The following WASF2 variants were observed in gnomAD, a reference collection of about 807,000 sequenced individuals.
WASF2 encodes the protein actin-binding protein WASF2.
In WASF2, 14 loss-of-function variants were observed where a neutral mutation model predicts 45.0. The ratio of observed to expected loss-of-function variants is 0.31; its 90% confidence interval spans 0.21 to 0.49. The LOEUF is 0.49. Ranked by LOEUF, WASF2 falls within the 20% of genes least tolerant of loss-of-function variation. WASF2 has a pLI of 0.99. For missense variants in WASF2, 439 were observed against 636.1 expected (o/e 0.69, Z 3.33); for synonymous variants, 200 against 236.3 (o/e 0.85, Z 1.41).
At chr1:27,462,550 C>T (rs1255051370) in intron 1 of WASF2, among the ~76,000 whole-genome samples, 1 of 152,156 alleles carries the variant, frequency 6.6e-6, no homozygotes, top group Non-Finnish European at 1.5e-5. Flanking sequence ...AAGCGATCCT[C>T]CCATCTTGGC....
chr1:27,419,467 TAGAC>T (rs1269121502), intron 2 of WASF2, among the ~76,000 whole-genome samples: 1 of 152,110 alleles, frequency 6.6e-6, no homozygotes, highest in Non-Finnish European at 1.5e-5. Context: ...ATACAAAAAT[TAGAC>T]AGGCGTGCTG....
intron 1 of WASF2, among the ~76,000 whole-genome samples, chr1:27,441,821 G>A: frequency 6.6e-6 from 1 of 151,296 alleles, no homozygotes; most frequent in Non-Finnish European, 1.5e-5. Context: ...AGCTACTCGG[G>A]AGGCTGAGGC....
At chr1:27,411,959 G>A (rs1299204309) in intron 7 of WASF2, among the ~76,000 whole-genome samples, 1 of 152,218 alleles carries the variant, frequency 6.6e-6, no homozygotes, top group Admixed American at 6.5e-5. Flanking sequence ...AACAGGAGTA[G>A]TTAAGAATAT....
chr1:27,449,306 T>C (rs2017350911), intron 1 of WASF2, among the ~76,000 whole-genome samples: 1 of 152,056 alleles, frequency 6.6e-6, no homozygotes, highest in African/African-American at 2.4e-5. Flanking sequence ...GGTCAATAAA[T>C]GTTTATCAAG....
intron 1 of WASF2, among the ~76,000 whole-genome samples, chr1:27,477,736 A>G (rs964359005): frequency 6.9e-5 from 9 of 130,500 alleles, no homozygotes; most frequent in Admixed American, 4.3e-4. Flanking sequence ...CGTCTCTACT[A>G]AAAATACAAA....
At chr1:27,430,665 G>C (rs2017048882) in intron 1 of WASF2, among the ~76,000 whole-genome samples, 1 of 151,900 alleles carries the variant, frequency 6.6e-6, no homozygotes, top group South Asian at 2.1e-4. Flanking sequence ...TTGAGACGGG[G>C]TCTCACTCTG....
intron 1 of WASF2, among the ~76,000 whole-genome samples, chr1:27,479,087 C>A (rs2017811152): frequency 6.6e-6 from 1 of 151,804 alleles, no homozygotes; most frequent in Non-Finnish European, 1.5e-5. Context: ...GAGTTCAAGA[C>A]CACCCTAGTC....
At chr1:27,489,908 C>T (rs2018007288) in intron 1 of WASF2, 78 bp downstream of exon 1, 1 of 152,242 alleles carries the variant, frequency 6.6e-6, no homozygotes, top group South Asian at 2.1e-4. Flanking sequence ...CCCCGAGACC[C>T]TGCACGGCTC....
chr1:27,415,908 A>G (rs955900075), intron 5 of WASF2, 77 bp downstream of exon 5: 37 of 1,264,700 alleles, frequency 2.9e-5, no homozygotes, highest in Non-Finnish European at 3.9e-5. Flanking sequence ...ATTACTTCAC[A>G]TAACACTGGC....
intron 1 of WASF2, among the ~76,000 whole-genome samples, chr1:27,452,502 ACTGT>A (rs2017397323): frequency 6.6e-6 from 1 of 150,738 alleles, no homozygotes; most frequent in East Asian, 2.0e-4. Flanking sequence ...ACAGAGTGAG[ACTGT>A]CTAAAATAAA....
Position 27,410,227 on chromosome 1 carries a change from A to G in WASF2, c.825-21T>C. On this transcript the variant is annotated intron_variant, in intron 7 of 8. Coordinates refer to ENST00000618852, the MANE Select transcript of WASF2 (RefSeq NM_006990.5). This position sits in a 1 kb window ranked among gnomAD's most constrained non-coding sequence, Gnocchi z 4.2. Reference sequence around the variant, plus strand: ...GGTAACTAAAAGGCCAAAGAAAAAAAGACTCACCATCACCCTTAGAATGCA... The same window carrying G: ...GGTAACTAAAAGGCCAAAGAAAAAAGGACTCACCATCACCCTTAGAATGCA... 6.2e-7 allele frequency: 1 copy of G among 1,613,802 alleles called. No homozygotes were observed. The highest frequency in any genetic ancestry group is 8.5e-7 in the Non-Finnish European group (1 of 1,179,852).
intron 1 of WASF2, among the ~76,000 whole-genome samples, chr1:27,485,767 A>G (rs1027575878): frequency 2.0e-5 from 3 of 152,204 alleles, no homozygotes; most frequent in East Asian, 1.9e-4. Flanking sequence ...GCTGGAGTGC[A>G]GTGGCGTGAT....
rs1312168132 is a variant in WASF2 at position 27,468,701 on chromosome 1, C to T, written c.-44+21285G>A. Among the ~76,000 whole-genome samples the T allele has an allele frequency of 2.0e-5, 3 of 150,272 alleles. 1 individual carries two copies. The highest frequency in any genetic ancestry group is 2.4e-5 in the African/African-American group (1 of 40,870). ...AGATTAAAAAAGACGTAAAAGAGGC[C>T]GGGCACGGTGGTTCACGCCTGTAAT... is the stretch of plus-strand genomic sequence containing the variant. On this transcript the variant is annotated intron_variant, in intron 1 of 8. Coordinates refer to ENST00000618852, the MANE Select transcript of WASF2 (RefSeq NM_006990.5).
chr1:27,441,710 C>T (rs1166495314), intron 1 of WASF2, among the ~76,000 whole-genome samples: 29 of 125,134 alleles, frequency 2.3e-4, no homozygotes, highest in African/African-American at 4.6e-4. Context: ...GCCGAGATTG[C>T]GCCACTGCAC....
At chr1:27,481,161 A>G (rs1437574221) in intron 1 of WASF2, among the ~76,000 whole-genome samples, 23 of 143,050 alleles carry the variant, frequency 1.6e-4, no homozygotes, top group Middle Eastern at 4.3e-3. Context: ...AAAATTAGCC[A>G]GGCGTGGTGG....
In WASF2 at chr1:27,416,059, A is replaced by G. The variant is rs1257495833; in HGVS notation, c.463T>C (p.Tyr155His). Residue 155 changes from tyrosine to histidine, a missense_variant, in exon 5 of 9, where the codon TAC becomes CAC. Coordinates refer to ENST00000618852, the MANE Select transcript of WASF2 (RefSeq NM_006990.5). ...EALKFYTDPSYFFDLWKEKML... is the reference protein window; with the variant it reads ...EALKFYTDPSHFFDLWKEKML... ...TTCTCCTTCCAAAGATCAAAGAAGT[A>G]TGAAGGGTCTGTGTAGAATTTGAGT... 6.2e-7 allele frequency: 1 copy of G among 1,613,996 alleles called. No individual in the cohort carries two copies. Among genetic ancestry groups the G allele is most frequent in the Non-Finnish European group, 8.5e-7 (1 of 1,180,002 alleles).
chr1:27,466,566 T>C (rs149391106), intron 1 of WASF2, among the ~76,000 whole-genome samples: 2 of 152,290 alleles, frequency 1.3e-5, no homozygotes, highest in East Asian at 3.9e-4. Flanking sequence ...CTTTCAAAGA[T>C]TTAATATTAA....
chr1:27,441,332 A>T (rs903466913), intron 1 of WASF2, among the ~76,000 whole-genome samples: 14 of 150,756 alleles, frequency 9.3e-5, no homozygotes, highest in Non-Finnish European at 1.5e-4. Flanking sequence ...GTCTCTATAA[A>T]AAATGAAAAA....
intron 1 of WASF2, among the ~76,000 whole-genome samples, chr1:27,438,291 G>C (rs762903635): frequency 1.3e-5 from 2 of 152,202 alleles, no homozygotes; most frequent in Non-Finnish European, 2.9e-5. Context: ...ACTGAGTACT[G>C]TACTAGGTTA....
Sources: gnomAD v4.1 joint callset for allele counts (sites outside exome capture counted in the v4.1 genomes callset) on GRCh38, gnomAD v4.1.1 for gene constraint, Gnocchi (gnomAD v3.1) non-coding constraint, MANE v1.5 for transcripts, NCBI Gene and HGNC (gene_info 2026-07-23, HGNC 2026-07-21) for gene names.